NEO1: variants seen among roughly 807,000 people sequenced by gnomAD.
The protein encoded by NEO1 is neogenin.
In NEO1, 63 loss-of-function variants were observed where a neutral mutation model predicts 159.7. The observed-to-expected ratio is 0.39, with a 90% CI of 0.32 to 0.49. NEO1 has a LOEUF of 0.49. Among genes scored for constraint, NEO1 ranks in the 20% least tolerant of loss-of-function variants. The pLI, the probability that NEO1 is intolerant of heterozygous loss-of-function variation, is 0.85. For synonymous variants in NEO1, 633 were observed against 662.0 expected, an observed-to-expected ratio of 0.96 and a Z score of 0.67; for missense variants, 1,615 against 1,831.0, an observed-to-expected ratio of 0.88 and a Z score of 2.15.
intron 1 of NEO1, among the ~76,000 whole-genome samples, chr15:73,082,110 G>A (rs2069089119): frequency 1.3e-5 from 2 of 151,556 alleles, no homozygotes; most frequent in Non-Finnish European, 2.9e-5. Flanking sequence ...CTGACCTCAG[G>A]TGATCTGCCC....
At chr15:73,278,764 T>C (rs2041536251) in intron 22 of NEO1, among the ~76,000 whole-genome samples, 1 of 152,242 alleles carries the variant, frequency 6.6e-6, no homozygotes, top group South Asian at 2.1e-4. Flanking sequence ...GATACCGTTA[T>C]TCCCGTTTAA....
chr15:73,301,091 A>C (rs2042594196), intron 27 of NEO1, among the ~76,000 whole-genome samples: 1 of 152,194 alleles, frequency 6.6e-6, no homozygotes, highest in South Asian at 2.1e-4. Flanking sequence ...TTTGAGAACC[A>C]CTGGACTAGG....
At chr15:73,193,220 G>A (rs1716076520) in intron 7 of NEO1, among the ~76,000 whole-genome samples, 1 of 152,026 alleles carries the variant, frequency 6.6e-6, no homozygotes, top group South Asian at 2.1e-4. Flanking sequence ...TACATGTGCT[G>A]TGTAAATAGA....
intron 25 of NEO1, among the ~76,000 whole-genome samples, chr15:73,293,059 A>C (rs1567715378): frequency 6.6e-6 from 1 of 152,268 alleles, no homozygotes; most frequent in Non-Finnish European, 1.5e-5. Context: ...TGTTTATTAT[A>C]GTAGAATTGG....
Position 73,283,033 on chromosome 15 carries a change from C to T in NEO1, c.3332C>T (p.Ser1111Phe), listed in dbSNP as rs1420081445. ...AATATGCTGCTGGTCATAATTGTTT[C>T]TGTTGGCGTCATCACCATCGTGGTG... is the stretch of plus-strand genomic sequence containing the variant. ...DSNMLLVIIV[S>F]VGVITIVVVV... The change falls in exon 23 of 29, where the codon TCT (serine) becomes TTT (phenylalanine). Residue 1111 changes from serine to phenylalanine, a missense_variant. Coordinates refer to ENST00000261908, the MANE Select transcript of NEO1 (RefSeq NM_002499.4). 2 of 1,614,216 alleles carry T rather than the reference C, an allele frequency of 1.2e-6. No homozygotes were observed. The highest frequency in any genetic ancestry group is 1.7e-6 in the Non-Finnish European group (2 of 1,180,040).
intron 3 of NEO1, among the ~76,000 whole-genome samples, chr15:73,125,602 C>A (rs1392860829): frequency 6.6e-6 from 1 of 152,160 alleles, no homozygotes; most frequent in Non-Finnish European, 1.5e-5. Context: ...CTGCCTGAGA[C>A]CTTTTTGTCA....
intron 1 of NEO1, among the ~76,000 whole-genome samples, chr15:73,079,023 T>C (rs1404916460): frequency 1.3e-5 from 2 of 152,220 alleles, no homozygotes; most frequent in Non-Finnish European, 2.9e-5. Flanking sequence ...TTATCTCTTA[T>C]ACCCTTTGTT....
intron 7 of NEO1, among the ~76,000 whole-genome samples, chr15:73,179,086 A>G (rs912889278): frequency 6.6e-6 from 1 of 152,230 alleles, no homozygotes; most frequent in African/African-American, 2.4e-5. Flanking sequence ...TCAGATAACA[A>G]TGAAAAGTAT....
chr15:73,298,767 C>A (rs1296452913), intron 27 of NEO1, among the ~76,000 whole-genome samples, 156 bp downstream of exon 27: 1 of 152,200 alleles, frequency 6.6e-6, no homozygotes, highest in Non-Finnish European at 1.5e-5. Context: ...GTGCCATTGC[C>A]CCGCCCAGGA....
intron 1 of NEO1, among the ~76,000 whole-genome samples, chr15:73,112,050 C>T (rs2071026262): frequency 6.6e-6 from 1 of 152,120 alleles, no homozygotes; most frequent in South Asian, 2.1e-4. Context: ...TTTCCTCTCC[C>T]AGTAACCAGT....
At chr15:73,218,134 A>G (rs2038010071) in intron 7 of NEO1, among the ~76,000 whole-genome samples, 1 of 152,228 alleles carries the variant, frequency 6.6e-6, no homozygotes, top group East Asian at 1.9e-4. Context: ...TTTTAGCATG[A>G]ACGGCTGTTG....
chr15:73,219,937 T>C (rs1420518171), intron 7 of NEO1, among the ~76,000 whole-genome samples: 1 of 151,998 alleles, frequency 6.6e-6, no homozygotes, highest in Non-Finnish European at 1.5e-5. Flanking sequence ...AAAGTTAATA[T>C]TGTTATGTGT....
At chr15:73,259,334 A>C (rs1408322480) in intron 14 of NEO1, among the ~76,000 whole-genome samples, 1 of 151,378 alleles carries the variant, frequency 6.6e-6, no homozygotes, top group Admixed American at 6.6e-5. Context: ...TGGGAGGCAA[A>C]AGACCTGAGT....
intron 17 of NEO1, 23 bp from the exon 18 acceptor site, chr15:73,270,293 G>A (rs757995780): frequency 2.9e-5 from 46 of 1,613,852 alleles, no homozygotes; most frequent in Non-Finnish European, 3.9e-5. Context: ...TAATTTTAAA[G>A]TCTCAATTCA....
intron 23 of NEO1, among the ~76,000 whole-genome samples, chr15:73,285,628 A>G (rs571303989): frequency 6.6e-6 from 1 of 152,086 alleles, no homozygotes; most frequent in Non-Finnish European, 1.5e-5. Context: ...GTAATACCTG[A>G]GGTTCATTTA....
intron 1 of NEO1, among the ~76,000 whole-genome samples, chr15:73,101,440 C>G (rs1211773830): frequency 6.6e-6 from 1 of 152,228 alleles, no homozygotes; most frequent in African/African-American, 2.4e-5. Flanking sequence ...CTTTCCCACT[C>G]TCTCTCTGCA....
At chr15:73,063,031 C>A (rs2068051491) in intron 1 of NEO1, among the ~76,000 whole-genome samples, 1 of 152,144 alleles carries the variant, frequency 6.6e-6, no homozygotes, top group Non-Finnish European at 1.5e-5. Context: ...GGAAGCGTTC[C>A]TCTGTTTACT....
At chr15:73,137,464 A>G (rs1461887533) in intron 5 of NEO1, among the ~76,000 whole-genome samples, 1 of 152,162 alleles carries the variant, frequency 6.6e-6, no homozygotes, top group African/African-American at 2.4e-5. Flanking sequence ...TTTTTGAGAC[A>G]GGGTCTCCCT....
intron 11 of NEO1, among the ~76,000 whole-genome samples, chr15:73,251,491 A>G (rs777828148): frequency 3.1e-4 from 45 of 144,830 alleles, no homozygotes; most frequent in Non-Finnish European, 4.7e-4. Flanking sequence ...TCCAGCCTGG[A>G]TGACAGAGTG....
Sources: gnomAD v4.1 joint callset for allele counts (sites outside exome capture counted in the v4.1 genomes callset) on GRCh38, gnomAD v4.1.1 for gene constraint, MANE v1.5 for transcripts, NCBI Gene and HGNC (gene_info 2026-07-23, HGNC 2026-07-21) for gene names.